Variants in KALRN observed in about 807,000 individuals in gnomAD.
KALRN encodes the protein kalirin RhoGEF kinase, also known as kalirin.
Under a neutral mutation model 353.7 loss-of-function variants are expected in KALRN, and 70 were observed. The observed-to-expected ratio is 0.20, with a 90% confidence interval of 0.16 to 0.24. The LOEUF (loss-of-function observed/expected upper bound fraction) is 0.24, where lower values mean the gene tolerates loss of function less well. Ranked by LOEUF, KALRN falls within the 10% of genes least tolerant of loss-of-function variation. The probability of loss-of-function intolerance (pLI) is 1.00; values close to 1 mark genes in which losing one functional copy is unlikely to be tolerated. For synonymous variants in KALRN, 1,391 were observed against 1,434.8 expected (o/e 0.97, Z 0.69); for missense variants, 2,791 against 3,756.7 (o/e 0.74, Z 6.72).
At chr3:124,236,273 A>G (rs12639609) in intron 3 of KALRN, among the ~76,000 whole-genome samples, 14,119 of 152,230 alleles carry the variant, frequency 0.093, 1,835 homozygotes, top group East Asian at 0.64. Context: ...AACAATGAAT[A>G]TAAGGATGAA....
At chr3:124,649,755 T>C (rs2083173725) in intron 37 of KALRN, among the ~76,000 whole-genome samples, 1 of 151,548 alleles carries the variant, frequency 6.6e-6, no homozygotes, top group African/African-American at 2.4e-5. Context: ...ACCACTGTAC[T>C]CCAGACTGGG....
Position 124,309,624 on chromosome 3 carries a change from T to C in KALRN, c.1092+10711T>C, listed in dbSNP as rs374218242. ...GAAAGAATTACACACCACGACCAAG[T>C]GGGAGTCATCCCAGAATTGTGAGCT... is the stretch of plus-strand genomic sequence containing the variant. On this transcript the variant is annotated intron_variant, in intron 6 of 59. Coordinates refer to ENST00000682506, the MANE Select transcript of KALRN (RefSeq NM_001388419.1). Among the ~76,000 whole-genome samples, 8 of 151,932 alleles carry C rather than the reference T, an allele frequency of 5.3e-5. No individual in the cohort carries two copies. In the East Asian group the frequency reaches 1.4e-3, roughly 26 times the overall value.
chr3:124,113,805 C>G (rs2063213307), intron 1 of KALRN, among the ~76,000 whole-genome samples: 1 of 152,168 alleles, frequency 6.6e-6, no homozygotes, highest in Admixed American at 6.5e-5. Flanking sequence ...CTTGAGTGGC[C>G]CAGCCCAGAA....
intron 1 of KALRN, among the ~76,000 whole-genome samples, chr3:124,174,402 C>A (rs1487746502): frequency 6.6e-6 from 1 of 152,130 alleles, no homozygotes; most frequent in Non-Finnish European, 1.5e-5. Flanking sequence ...TCACTGCACT[C>A]CAGCCTGGGC....
chr3:124,189,773 A>AC (rs2074675913), intron 1 of KALRN, among the ~76,000 whole-genome samples: 1 of 152,104 alleles, frequency 6.6e-6, no homozygotes, highest in African/African-American at 2.4e-5. Flanking sequence ...ACCCATCTCT[A>AC]CTAAAAAATA....
chr3:124,474,572 T>G, intron 25 of KALRN, 91 bp from the exon 26 acceptor site: 69 of 955,644 alleles, frequency 7.2e-5, no homozygotes, highest in Non-Finnish European at 1.0e-4. Flanking sequence ...TATAAATAAT[T>G]GAGAAGTTAT....
chr3:124,407,746 G>A (rs1430120675), intron 13 of KALRN: 1 of 152,076 alleles, frequency 6.6e-6, no homozygotes, highest in Non-Finnish European at 1.5e-5. Flanking sequence ...ATTAGCATGG[G>A]CCCTGACGCA....
At chr3:124,039,177 C>G (rs1438598991) in intron 1 of KALRN, among the ~76,000 whole-genome samples, 4 of 152,234 alleles carry the variant, frequency 2.6e-5, no homozygotes, top group Non-Finnish European at 5.9e-5. Flanking sequence ...GCTCTCCACA[C>G]ACTGCCCAAG....
Position 124,413,521 on chromosome 3 carries a change from G to T in KALRN, c.2398G>T (p.Asp800Tyr). ...TGAAGACTTGCTTCGGCAGATGAAT[G>T]ACTTCAACACAGAGGACCTAACCCT... Reference protein sequence around the residue: ...WNEDLLRQMNDFNTEDLTLAE... With the variant: ...WNEDLLRQMNYFNTEDLTLAE... Residue 800 changes from aspartate to tyrosine, a missense_variant, in exon 14 of 60, where the codon GAC (aspartate) becomes TAC (tyrosine). By Grantham distance (160) the Asp-to-Tyr change is radical (BLOSUM62 -3). Around this residue, in one of 11 missense-constraint regions of KALRN, gnomAD observed 452 missense variants for 575.8 expected, o/e 0.78. Transcript: ENST00000682506. 6.2e-7 allele frequency: 1 copy of T among 1,614,160 alleles called. No homozygotes were observed. The highest frequency in any genetic ancestry group is 1.1e-5 in the South Asian group (1 of 91,060).
At chr3:124,320,853 G>C (rs545066426) in intron 6 of KALRN, among the ~76,000 whole-genome samples, 3 of 152,318 alleles carry the variant, frequency 2.0e-5, no homozygotes, top group South Asian at 2.1e-4. Context: ...CTGCAGCAGA[G>C]GGTTTGTGGC....
intron 3 of KALRN, among the ~76,000 whole-genome samples, chr3:124,247,680 C>G (rs2148713830): frequency 6.6e-6 from 1 of 152,292 alleles, no homozygotes; most frequent in South Asian, 2.1e-4. Context: ...TCATCAGCCA[C>G]AAACATTGAA....
At chr3:124,208,857 T>C (rs2076650226) in intron 1 of KALRN, among the ~76,000 whole-genome samples, 1 of 151,824 alleles carries the variant, frequency 6.6e-6, no homozygotes, top group Non-Finnish European at 1.5e-5. Flanking sequence ...TACCAGCTAC[T>C]CGGGAGGTTG....
intron 33 of KALRN, among the ~76,000 whole-genome samples, chr3:124,543,610 T>A (rs2069301346): frequency 6.6e-6 from 1 of 152,038 alleles, no homozygotes; most frequent in Non-Finnish European, 1.5e-5. Context: ...CTTGTGGACA[T>A]ATTTTCAAAA....
chr3:124,695,312 T>A (rs995812533), intron 53 of KALRN, among the ~76,000 whole-genome samples: 2 of 152,228 alleles, frequency 1.3e-5, no homozygotes, highest in Admixed American at 6.5e-5. Context: ...AAGCCCTAGA[T>A]GCTTGAGAAA....
intron 33 of KALRN, among the ~76,000 whole-genome samples, chr3:124,550,546 T>C (rs1166652870): frequency 1.3e-5 from 2 of 152,084 alleles, no homozygotes; most frequent in Non-Finnish European, 2.9e-5. Flanking sequence ...GTAGTATGAG[T>C]CTCTTTGGGA....
chr3:124,207,241 C>T (rs369984429), intron 1 of KALRN, among the ~76,000 whole-genome samples: 10 of 152,190 alleles, frequency 6.6e-5, no homozygotes, highest in African/African-American at 1.9e-4. Context: ...CAGTGACTAG[C>T]GGCACATAGA....
intron 6 of KALRN, among the ~76,000 whole-genome samples, chr3:124,322,339 G>A (rs1462205934): frequency 6.6e-6 from 1 of 152,204 alleles, no homozygotes; most frequent in Non-Finnish European, 1.5e-5. Context: ...GGAAACTGAG[G>A]CACAGAGAAG....
intron 5 of KALRN, among the ~76,000 whole-genome samples, chr3:124,285,227 A>C (rs1218788582): frequency 6.6e-6 from 1 of 152,182 alleles, no homozygotes; most frequent in Non-Finnish European, 1.5e-5. Flanking sequence ...TTAGGGAATC[A>C]ATGTTCAATA....
chr3:124,689,434 C>G (rs956624997), intron 51 of KALRN, among the ~76,000 whole-genome samples: 1 of 152,108 alleles, frequency 6.6e-6, no homozygotes, highest in Non-Finnish European at 1.5e-5. Context: ...TTGAACTAAG[C>G]TCAAGTGATC....
Sources: gnomAD v4.1 joint callset for allele counts (sites outside exome capture counted in the v4.1 genomes callset) on GRCh38, gnomAD v4.1.1 for gene constraint, gnomAD v4.1.1 regional missense constraint, MANE v1.5 for transcripts, NCBI Gene and HGNC (gene_info 2026-07-23, HGNC 2026-07-21) for gene names.